The following PDE11A variants were observed in gnomAD, a reference collection of about 807,000 sequenced individuals.
PDE11A encodes phosphodiesterase 11A.
Under a neutral mutation model 100.5 loss-of-function variants are expected in PDE11A, and 100 were observed. The observed-to-expected ratio is 1.00, with a 90% CI of 0.85 to 1.18. The LOEUF is 1.18. PDE11A is among the 50% of genes most tolerant of loss of function. The pLI is 0.00. For synonymous variants in PDE11A, 381 were observed against 420.8 expected, an observed-to-expected ratio of 0.91 and a Z score of 1.16; for missense variants, 1,141 against 1,152.6, an observed-to-expected ratio of 0.99 and a Z score of 0.15.
chr2:177,727,738 T>G lies in PDE11A; in HGVS notation c.1963A>C (p.Arg655=), dbSNP rs757534358. The G allele has an allele frequency of 6.2e-7, 1 of 1,610,336 alleles. No individual in the cohort carries two copies. Among genetic ancestry groups the G allele is most frequent in the African/African-American group, 1.3e-5 (1 of 74,788 alleles). ...ETLCRWLLTV[R]KNYRMVLYHN... Reference sequence around the variant, plus strand: ...TATAGAACCATCCGATAGTTTTTCCTCACTGTCAAAAGCCACCTACACAGT... The same window carrying G: ...TATAGAACCATCCGATAGTTTTTCCGCACTGTCAAAAGCCACCTACACAGT... The change falls in exon 12 of 20, where the codon AGG becomes CGG. Residue 655 remains arginine, a synonymous_variant. Coordinates refer to ENST00000286063, the MANE Select transcript of PDE11A (RefSeq NM_016953.4).
At chr2:178,010,643 CAG>C (rs931496977) in intron 2 of PDE11A, among the ~76,000 whole-genome samples, 2 of 152,120 alleles carry the variant, frequency 1.3e-5, no homozygotes, top group African/African-American at 4.8e-5. Context: ...TAGTGAAACA[CAG>C]GGGAAAAATC....
upstream of PDE11A, chr2:178,072,859 A>AGGAG (rs377030282): frequency 1.2e-5 from 14 of 1,152,766 alleles, no homozygotes; most frequent in African/African-American, 2.1e-4. Context: ...AGGAGAGAAG[A>AGGAG]GGAGGGAGCC....
intron 10 of PDE11A, among the ~76,000 whole-genome samples, chr2:177,730,546 T>A (rs774683748): frequency 6.6e-6 from 1 of 151,932 alleles, no homozygotes; most frequent in Non-Finnish European, 1.5e-5. Context: ...TCATTTCTCA[T>A]ATTTTTTCTT....
Position 178,071,548 on chromosome 2 carries a change from A to T in PDE11A, c.890T>A (p.Val297Asp), listed in dbSNP as rs2087129920. ...IGYVGEHGET[V>D]NIPDAYQDRR... ...TACCTGGTAGGCATCAGGAATGTTG[A>T]CCGTTTCTCCATGCTCCCCGACATA... is the stretch of plus-strand genomic sequence containing the variant. The change falls in exon 1 of 20, where the codon GTC becomes GAC. Residue 297 changes from valine (V) to aspartate (D), a missense_variant. Val to Asp is a radical substitution (Grantham distance 152). Coordinates refer to ENST00000286063, the MANE Select transcript of PDE11A (RefSeq NM_016953.4). 1 of 1,612,730 alleles carries T rather than the reference A, an allele frequency of 6.2e-7. No homozygotes were observed. The highest frequency in any genetic ancestry group is 1.3e-5 in the African/African-American group (1 of 74,864).
At chr2:178,081,751 A>G (rs1194741979) in intron 2 of PDE11A, among the ~76,000 whole-genome samples, 1 of 152,220 alleles carries the variant, frequency 6.6e-6, no homozygotes, top group African/African-American at 2.4e-5. Context: ...CTTCAGTTGC[A>G]AACAATTCTG....
chr2:177,623,514 A>G lies in PDE11A; in HGVS notation c.*5893T>C, dbSNP rs1387177554. 1 of 152,268 alleles carries G rather than the reference A, an allele frequency of 6.6e-6. No individual in the cohort carries two copies. The highest frequency in any genetic ancestry group is 6.5e-5 in the Admixed American group (1 of 15,286). The allele number at this position is 152,268 out of a possible 1,614,324, so 9.4% of individuals were successfully genotyped here. ...TTTTTAGGTTATTGTACATGAAAAT[A>G]AAATGGCAAAAGCAATTTCCCCCCA... On this transcript the variant is annotated 3_prime_UTR_variant, in exon 20 of 20. Transcript: ENST00000286063.
At chr2:178,077,928 A>G (rs1047671678) in intron 2 of PDE11A, among the ~76,000 whole-genome samples, 21 of 138,842 alleles carry the variant, frequency 1.5e-4, no homozygotes, top group Non-Finnish European at 2.7e-4. Context: ...TGCTCTTAGG[A>G]AAAAAAAAAA....
At chr2:177,929,247 T>C (rs1247586705) in intron 2 of PDE11A, among the ~76,000 whole-genome samples, 2 of 152,198 alleles carry the variant, frequency 1.3e-5, no homozygotes, top group Admixed American at 1.3e-4. Flanking sequence ...GCTCATACCC[T>C]GTTTTGCTCC....
intron 5 of PDE11A, among the ~76,000 whole-genome samples, chr2:177,847,446 A>G (rs954828537): frequency 4.6e-5 from 7 of 152,190 alleles, no homozygotes; most frequent in Non-Finnish European, 1.5e-5. Flanking sequence ...CAGAACCAAG[A>G]TAGAGACTCA....
chr2:177,671,194 C>T (rs3770008), intron 17 of PDE11A, among the ~76,000 whole-genome samples: 17,098 of 152,060 alleles, frequency 0.11, 1,078 homozygotes, highest in East Asian at 0.27. Context: ...GGTCTGTAGC[C>T]CCTGGAAAGA....
At chr2:177,635,613 G>A (rs2080027273) in intron 19 of PDE11A, among the ~76,000 whole-genome samples, 1 of 152,056 alleles carries the variant, frequency 6.6e-6, no homozygotes. Context: ...GATACAAAAC[G>A]GTACAAAGGT....
At chr2:177,683,185 C>T (rs1031647358) in intron 15 of PDE11A, 2 of 152,136 alleles carry the variant, frequency 1.3e-5, no homozygotes, top group Admixed American at 6.5e-5. Flanking sequence ...ATGTATAGTT[C>T]ACTTCTGTAT....
chr2:178,084,750 C>G (rs79974094), intron 2 of PDE11A, among the ~76,000 whole-genome samples: 2 of 142,604 alleles, frequency 1.4e-5, no homozygotes, highest in African/African-American at 5.1e-5. Flanking sequence ...TGGTAGACAG[C>G]TTTTTTTTTT....
intron 2 of PDE11A, among the ~76,000 whole-genome samples, chr2:177,987,333 T>C (rs2085952462): frequency 6.6e-6 from 1 of 152,206 alleles, no homozygotes; most frequent in South Asian, 2.1e-4. Flanking sequence ...CTCTAATATT[T>C]GCTAAATCAA....
At chr2:177,812,621 G>C (rs756501557) in intron 9 of PDE11A, among the ~76,000 whole-genome samples, 4 of 152,082 alleles carry the variant, frequency 2.6e-5, no homozygotes, top group Non-Finnish European at 4.4e-5. Context: ...TGAGTCCCCT[G>C]AGAAAAGGGA....
intron 1 of PDE11A, among the ~76,000 whole-genome samples, chr2:178,047,403 C>T (rs961320880): frequency 2.7e-5 from 4 of 149,694 alleles, no homozygotes; most frequent in African/African-American, 9.9e-5. Context: ...GCGGAGGTTG[C>T]AGTGAGCCAA....
chr2:177,820,086 T>C, intron 7 of PDE11A, 134 bp downstream of exon 7: 1 of 627,288 alleles, frequency 1.6e-6, no homozygotes. Flanking sequence ...TATGAAATTA[T>C]ACGAGAGTGT....
chr2:177,890,847 A>G (rs2084518506), intron 4 of PDE11A, among the ~76,000 whole-genome samples: 1 of 152,166 alleles, frequency 6.6e-6, no homozygotes, highest in African/African-American at 2.4e-5. Flanking sequence ...TGAAAATGTA[A>G]TCTCATTTAT....
At chr2:177,824,630 T>C (rs1301056146) in intron 6 of PDE11A, among the ~76,000 whole-genome samples, 3 of 152,202 alleles carry the variant, frequency 2.0e-5, no homozygotes, top group African/African-American at 2.4e-5. Flanking sequence ...GTGGTAATTA[T>C]CAAAGCTATG....
Sources: allele counts gnomAD v4.1 joint callset (sites outside exome capture counted in the v4.1 genomes callset), GRCh38; gene constraint gnomAD v4.1.1; transcripts MANE v1.5; gene names NCBI Gene and HGNC (gene_info 2026-07-23, HGNC 2026-07-21).